Variants in RBM26 observed in about 807,000 individuals in gnomAD.
RBM26 encodes RNA-binding protein 26.
RBM26 carries 30 observed loss-of-function variants against 123.6 expected under a neutral mutation model. The observed-to-expected ratio is 0.24, with a 90% CI of 0.18 to 0.33. The LOEUF (loss-of-function observed/expected upper bound fraction) is 0.33. Among genes scored for constraint, RBM26 ranks in the 10% least tolerant of loss-of-function variants. The pLI is 1.00. For missense variants in RBM26, 947 were observed against 1,203.6 expected (o/e 0.79, Z 3.15); for synonymous variants, 400 against 404.4 (o/e 0.99, Z 0.13).
chr13:79,405,849 C>G lies in RBM26; in HGVS notation c.-75G>C. 1.1e-6 allele frequency: 1 copy of G among 889,848 alleles called. No homozygotes were observed. 55.1% of individuals were successfully genotyped at this position (889,848 alleles called of 1,614,324 possible). A position where few individuals can be genotyped will look rare whatever the true frequency, so the allele number is the denominator to read the frequency against. Reference sequence around the variant, plus strand: ...GCCGCTACAGCCGCCGCTGCCCCCGCCCCCTCCTCCGCGCGCCGCCCGCGT... The same window carrying G: ...GCCGCTACAGCCGCCGCTGCCCCCGGCCCCTCCTCCGCGCGCCGCCCGCGT... On this transcript the variant is annotated 5_prime_UTR_variant, in exon 1 of 22. Coordinates refer to ENST00000438737, the MANE Select transcript of RBM26 (RefSeq NM_001366735.2).
chr13:79,375,232 G>A (rs2076580826), intron 3 of RBM26, among the ~76,000 whole-genome samples: 1 of 142,336 alleles, frequency 7.0e-6, no homozygotes, highest in South Asian at 2.2e-4. Flanking sequence ...GAGTGCAATG[G>A]CATGGTCTCA....
In RBM26 at chr13:79,397,025, C is replaced by T. The variant is rs144733771; in HGVS notation, c.71+8679G>A. Among the ~76,000 whole-genome samples, 190 of 151,972 alleles carry T rather than the reference C, an allele frequency of 1.3e-3. 1 individual carries two copies. The highest frequency in any genetic ancestry group is 4.2e-3 in the African/African-American group (175 of 41,442). On this transcript the variant is annotated intron_variant, in intron 1 of 21. Transcript: ENST00000438737. The stretch of plus-strand genomic sequence containing the variant: ...TGAAACCCCACCTCTACTAAAAATA[C>T]GAAAAATTAGCCAAGGGTGGTGGCG...
chr13:79,335,986 C>T (rs1014137771), intron 19 of RBM26, among the ~76,000 whole-genome samples: 3 of 152,066 alleles, frequency 2.0e-5, no homozygotes, highest in African/African-American at 4.8e-5. Flanking sequence ...AAGAACAGGA[C>T]TTTAGACTCC....
intron 1 of RBM26, among the ~76,000 whole-genome samples, chr13:79,397,932 A>C (rs556324962): frequency 3.3e-5 from 5 of 152,178 alleles, no homozygotes; most frequent in Non-Finnish European, 5.9e-5. Flanking sequence ...ATAACAAAAG[A>C]AATGCTTCTA....
chr13:79,319,222 T>G lies in RBM26; in HGVS notation c.*1399A>C. On this transcript the variant is annotated 3_prime_UTR_variant, in exon 22 of 22. Transcript: ENST00000438737. ...ATGGTGGTGGTGGAACAACAGCTTTTGATTGTGAGGACCCCAATATGGAAG... is the reference window on the plus strand; with the variant it reads ...ATGGTGGTGGTGGAACAACAGCTTTGGATTGTGAGGACCCCAATATGGAAG... 1.0e-6 allele frequency: 1 copy of G among 984,498 alleles called. No individual in the cohort carries two copies. The highest frequency in any genetic ancestry group is 4.7e-5 in the South Asian group (1 of 21,280). 61.0% of individuals were successfully genotyped at this position (984,498 alleles called of 1,614,324 possible). A position where few individuals can be genotyped will look rare whatever the true frequency, so the allele number is the denominator to read the frequency against.
rs869238768 is a variant in RBM26, at chr13:79,392,146, AATT to A, written c.72-13242_72-13240del. 1.9e-4 allele frequency among the ~76,000 whole-genome samples: 10 copies of A among 53,042 alleles called. 1 individual carries two copies. Among genetic ancestry groups the A allele is most frequent in the Non-Finnish European group, 3.0e-4 (6 of 20,130 alleles). The allele number at this position is 53,042 out of a possible 152,430, so 34.8% of individuals were successfully genotyped here. A position where few individuals can be genotyped will look rare whatever the true frequency, so the allele number is the denominator to read the frequency against. On this transcript the variant is annotated intron_variant, in intron 1 of 21. Transcript: ENST00000438737. ...AATTATATATTATACAATAATACAT[AATT>A]ATTATATAATTATATATTATACAAT...
At chr13:79,356,178 C>T (rs2073952276) in intron 11 of RBM26, among the ~76,000 whole-genome samples, 1 of 152,046 alleles carries the variant, frequency 6.6e-6, no homozygotes, top group Non-Finnish European at 1.5e-5. Context: ...GCCTGGACAA[C>T]ATATTAAGAC....
intron 1 of RBM26, 76 bp from the exon 2 acceptor site, chr13:79,378,983 G>T: frequency 1.1e-6 from 1 of 897,880 alleles, no homozygotes; most frequent in Admixed American, 2.2e-5. Context: ...AACTGAATTA[G>T]TGAGAATAAT....
At position 79,378,819 on chromosome 13, in the gene RBM26, T is replaced by C. The variant is rs1279818482; in HGVS notation, c.160A>G (p.Ile54Val). ...TGAAGAAATACATCCAGCTGATCAATACATAATGCCTTTAACTCTTTTTCA... is the reference window on the plus strand; with the variant it reads ...TGAAGAAATACATCCAGCTGATCAACACATAATGCCTTTAACTCTTTTTCA... Reference protein sequence around the residue: ...KSEKELKALCIDQLDVFLQKE... With the variant: ...KSEKELKALCVDQLDVFLQKE... The change falls in exon 2 of 22, where the codon ATT (isoleucine) becomes GTT (valine). Residue 54 changes from isoleucine to valine, a missense_variant. Ile to Val is a conservative substitution (Grantham distance 29). Coordinates refer to ENST00000438737, the MANE Select transcript of RBM26 (RefSeq NM_001366735.2). 1.2e-6 allele frequency: 2 copies of C among 1,606,612 alleles called. No individual in the cohort carries two copies. The highest frequency in any genetic ancestry group is 8.5e-7 in the Non-Finnish European group (1 of 1,173,514).
intron 14 of RBM26, among the ~76,000 whole-genome samples, chr13:79,345,335 T>C (rs1377042082): frequency 2.0e-5 from 3 of 152,002 alleles, no homozygotes; most frequent in African/African-American, 4.8e-5. Flanking sequence ...TCAAGACCTC[T>C]AACAAAGCCT....
At chr13:79,387,135 T>G (rs1229362932) in intron 1 of RBM26, among the ~76,000 whole-genome samples, 1 of 152,166 alleles carries the variant, frequency 6.6e-6, no homozygotes, top group East Asian at 1.9e-4. Flanking sequence ...TCATGAATCT[T>G]AAGACTAAGC....
At chr13:79,385,388 T>C (rs1594621004) in intron 1 of RBM26, among the ~76,000 whole-genome samples, 1 of 152,222 alleles carries the variant, frequency 6.6e-6, no homozygotes, top group Non-Finnish European at 1.5e-5. Flanking sequence ...CATATCTAAA[T>C]ATGATCCATC....
Position 79,318,956 on chromosome 13 carries a change from T to C in RBM26, c.*1665A>G, listed in dbSNP as rs2067392150. 3 of 971,796 alleles carry C rather than the reference T, an allele frequency of 3.1e-6. No homozygotes were observed. The highest frequency in any genetic ancestry group is 1.8e-5 in the African/African-American group (1 of 56,882). The allele number at this position is 971,796 out of a possible 1,614,324, so 60.2% of individuals were successfully genotyped here. A position where few individuals can be genotyped will look rare whatever the true frequency, so the allele number is the denominator to read the frequency against. ...CAACATACAAGAGACTACATAAAAATAGATCTTTGATTTAAATATATAAGT... is the reference window on the plus strand; with the variant it reads ...CAACATACAAGAGACTACATAAAAACAGATCTTTGATTTAAATATATAAGT... On this transcript the variant is annotated 3_prime_UTR_variant, in exon 22 of 22. Coordinates refer to ENST00000438737, the MANE Select transcript of RBM26 (RefSeq NM_001366735.2).
chr13:79,367,315 G>A (rs1386811816), intron 6 of RBM26, among the ~76,000 whole-genome samples: 2 of 150,328 alleles, frequency 1.3e-5, no homozygotes, highest in Non-Finnish European at 3.0e-5. Context: ...GCTGAGGCAG[G>A]AGAATCGCTA....
intron 1 of RBM26, among the ~76,000 whole-genome samples, chr13:79,390,285 A>C (rs186134729): frequency 6.6e-5 from 10 of 152,288 alleles, no homozygotes; most frequent in African/African-American, 2.4e-4. Flanking sequence ...AATACAAAGA[A>C]GCAAACTACA....
At position 79,373,701 on chromosome 13, in the gene RBM26, TTA is replaced by T. The variant is rs532123942; in HGVS notation, c.328-1773_328-1772del. ...ACTATATATAATAATATATAATATTTTATATATATATATTACTATATATAATA... is the reference window on the plus strand; with the variant it reads ...ACTATATATAATAATATATAATATTTTATATATATATTACTATATATAATA... On this transcript the variant is annotated intron_variant, in intron 3 of 21. Coordinates refer to ENST00000438737, the MANE Select transcript of RBM26 (RefSeq NM_001366735.2). Among the ~76,000 whole-genome samples the T allele has an allele frequency of 1.4e-3, 101 of 73,398 alleles. 1 individual carries two copies. The highest frequency in any genetic ancestry group is 3.7e-3 in the South Asian group (10 of 2,718). The allele number at this position is 73,398 out of a possible 152,430, so 48.2% of individuals were successfully genotyped here.
chr13:79,365,571 A>G lies in RBM26; in HGVS notation c.1417+7T>C. 1.2e-6 allele frequency: 2 copies of G among 1,606,724 alleles called. No homozygotes were observed. Among genetic ancestry groups the G allele is most frequent in the Non-Finnish European group, 1.7e-6 (2 of 1,175,540 alleles). On this transcript the variant is annotated splice_region_variant and intron_variant, in intron 9 of 21. Coordinates refer to ENST00000438737, the MANE Select transcript of RBM26 (RefSeq NM_001366735.2). Reference sequence around the variant, plus strand: ...AAATGACAGGAAGGAAAGATTAATTATAGTACCTCTGGGTGGCAAATCCAT... The same window carrying G: ...AAATGACAGGAAGGAAAGATTAATTGTAGTACCTCTGGGTGGCAAATCCAT...
exon 5 of RBM26, chr13:79,313,127 CTTCA>C (rs1263436672): frequency 6.6e-6 from 1 of 151,838 alleles, no homozygotes; most frequent in African/African-American, 2.4e-5. Context: ...GAGGAAACTG[CTTCA>C]TTCAATTACA....
At chr13:79,373,924 T>G (rs1376272023) in intron 3 of RBM26, among the ~76,000 whole-genome samples, 1 of 151,174 alleles carries the variant, frequency 6.6e-6, no homozygotes, top group African/African-American at 2.4e-5. Flanking sequence ...TTGTTGAGAA[T>G]AATGGTCCTC....
Sources: allele counts gnomAD v4.1 joint callset (sites outside exome capture counted in the v4.1 genomes callset), GRCh38; gene constraint gnomAD v4.1.1; transcripts MANE v1.5; gene names NCBI Gene and HGNC (gene_info 2026-07-23, HGNC 2026-07-21).